CFAP410: variants seen among roughly 807,000 people sequenced by gnomAD.
CFAP410 encodes the protein cilia- and flagella-associated protein 410.
A neutral mutation model predicts 25.7 loss-of-function variants in CFAP410; 27 were observed. The ratio of observed to expected loss-of-function variants is 1.05; its 90% CI spans 0.77 to 1.45. The LOEUF (loss-of-function observed/expected upper bound fraction) is 1.45, where lower values mean the gene tolerates loss of function less well. Among genes scored for constraint, CFAP410 ranks in the 40% most tolerant of loss-of-function variants. CFAP410 has a pLI of 0.00. For missense variants in CFAP410, 428 were observed against 354.1 expected, an observed-to-expected ratio of 1.21 and a Z score of -1.67; for synonymous variants, 178 against 158.4, an observed-to-expected ratio of 1.12 and a Z score of -0.93.
chr21:44,329,837 T>C lies in CFAP410; in HGVS notation c.*361A>G. On this transcript the variant is annotated 3_prime_UTR_variant, in exon 7 of 7. Transcript: ENST00000339818. ...TCCTCATTCTGTGGAGAAACGGCCC[T>C]TGCTTTCAGGAAGACTGTCACAACC... 4.3e-6 allele frequency: 1 copy of C among 233,440 alleles called. No homozygotes were observed. The highest frequency in any genetic ancestry group is 8.4e-6 in the Non-Finnish European group (1 of 118,916). 14.5% of individuals were successfully genotyped at this position (233,440 alleles called of 1,614,324 possible). A position where few individuals can be genotyped will look rare whatever the true frequency, so the allele number is the denominator to read the frequency against.
Position 44,331,203 on chromosome 21 carries a change from G to T in CFAP410, c.546-284C>A, listed in dbSNP as rs2047641778. On this transcript the variant is annotated intron_variant, in intron 5 of 6. Coordinates refer to ENST00000339818, the MANE Select transcript of CFAP410 (RefSeq NM_004928.3). Reference sequence around the variant, plus strand: ...CCAGGGCTTCAGGGGCAGGGTGGGGGGCACCCGAACACACAAATGCCGGGG... The same window carrying T: ...CCAGGGCTTCAGGGGCAGGGTGGGGTGCACCCGAACACACAAATGCCGGGG... 1.9e-5 allele frequency: 10 copies of T among 524,788 alleles called. No individual in the cohort carries two copies. The South Asian group carries it at 2.7e-4, about 14-fold the overall frequency. The allele number at this position is 524,788 out of a possible 1,614,324, so 32.5% of individuals were successfully genotyped here. A position where few individuals can be genotyped will look rare whatever the true frequency, so the allele number is the denominator to read the frequency against.
Position 44,330,161 on chromosome 21 carries a change from T to C in CFAP410, c.*37A>G, listed in dbSNP as rs1217189291. The C allele has an allele frequency of 6.5e-7, 1 of 1,540,230 alleles. No individual in the cohort carries two copies. Among genetic ancestry groups the C allele is most frequent in the East Asian group, 2.4e-5 (1 of 41,204 alleles). ...CCGGGGGCTGGGGAAGACGCTGGGG[T>C]CCCCGTGGAGGCTGGAGCGGCGTTC... is the stretch of plus-strand genomic sequence containing the variant. On this transcript the variant is annotated 3_prime_UTR_variant, in exon 7 of 7. Coordinates refer to ENST00000339818, the MANE Select transcript of CFAP410 (RefSeq NM_004928.3).
intron 3 of CFAP410, chr21:44,334,606 C>T (rs2146076175): frequency 6.6e-6 from 2 of 301,044 alleles, no homozygotes; most frequent in East Asian, 1.0e-4. Context: ...CCTCATCTCC[C>T]TGTGGGGTGG....
chr21:44,337,311 G>A (rs541046913), intron 2 of CFAP410, among the ~76,000 whole-genome samples: 30 of 152,250 alleles, frequency 2.0e-4, no homozygotes, highest in African/African-American at 5.3e-4. Flanking sequence ...CAACTTCCCC[G>A]TAACAAAGTA....
rs766874630 is a variant in CFAP410 at position 44,333,159 on chromosome 21, G to C, written c.247C>G (p.Leu83Val). ...ACCCGCAGACGCGGCAGCCCCTTCA[G>C]GTAGAAGAGCTCAGCCAGGCTGGGG... is the stretch of plus-strand genomic sequence containing the variant. Reference protein sequence around the residue: ...RIPSLAELFYLKGLPRLRVLW... With the variant: ...RIPSLAELFYVKGLPRLRVLW... Residue 83 changes from leucine to valine, a missense_variant, in exon 4 of 7, where the codon CTG becomes GTG. Leu to Val is a conservative substitution (Grantham distance 32, BLOSUM62 1). Coordinates refer to ENST00000339818, the MANE Select transcript of CFAP410 (RefSeq NM_004928.3). The C allele has an allele frequency of 7.4e-6, 12 of 1,612,692 alleles. No individual in the cohort carries two copies. Among genetic ancestry groups the C allele is most frequent in the Non-Finnish European group, 1.0e-5 (12 of 1,179,856 alleles).
chr21:44,333,977 T>C, intron 3 of CFAP410: 1 of 398,934 alleles, frequency 2.5e-6, no homozygotes, highest in Non-Finnish European at 5.2e-6. Context: ...CCTGCCGTCC[T>C]GAGCCCCCCT....
chr21:44,335,879 A>G, intron 2 of CFAP410, 75 bp from the exon 3 acceptor site: 1 of 1,203,440 alleles, frequency 8.3e-7, no homozygotes, highest in South Asian at 1.3e-5. Flanking sequence ...AGCCACAGAG[A>G]ACTGTCGAAG....
chr21:44,338,773 C>T (rs1174430025), intron 1 of CFAP410: 1 of 133,198 alleles, frequency 7.5e-6, no homozygotes, highest in African/African-American at 2.9e-5. Flanking sequence ...CCCCGCCCCG[C>T]CCCGCCCCGG....
At chr21:44,336,571 C>A (rs935139042) in intron 2 of CFAP410, among the ~76,000 whole-genome samples, 1 of 152,168 alleles carries the variant, frequency 6.6e-6, no homozygotes, top group African/African-American at 2.4e-5. Flanking sequence ...GCCCACCATA[C>A]GCCAGGCATG....
At chr21:44,338,274 T>G (rs1390851501) in intron 1 of CFAP410, 20 of 1,285,406 alleles carry the variant, frequency 1.6e-5, no homozygotes, top group African/African-American at 3.0e-5. Flanking sequence ...AAGCGTCTGC[T>G]CTCGCTGACC....
chr21:44,339,352 C>G lies in CFAP410; in HGVS notation c.-158G>C, dbSNP rs1164607548. ...GTGAGGAGAGCGGGGCGACGCGAGCCCGCTGGGGCCGCTTGGGCGCCGCTG... is the reference window on the plus strand; with the variant it reads ...GTGAGGAGAGCGGGGCGACGCGAGCGCGCTGGGGCCGCTTGGGCGCCGCTG... On this transcript the variant is annotated 5_prime_UTR_variant, in exon 1 of 7. Coordinates refer to ENST00000339818, the MANE Select transcript of CFAP410 (RefSeq NM_004928.3). 1 of 430,806 alleles carries G rather than the reference C, an allele frequency of 2.3e-6. No individual in the cohort carries two copies. The highest frequency in any genetic ancestry group is 4.5e-5 in the Admixed American group (1 of 22,260). 26.7% of individuals were successfully genotyped at this position (430,806 alleles called of 1,614,324 possible). A position where few individuals can be genotyped will look rare whatever the true frequency, so the allele number is the denominator to read the frequency against.
intron 5 of CFAP410, 158 bp downstream of exon 5, chr21:44,331,685 C>T: frequency 1.2e-5 from 8 of 688,974 alleles, no homozygotes; most frequent in Non-Finnish European, 1.9e-5. Context: ...CACTGAGTCA[C>T]TCCCAGAGAA....
rs949819984 is a variant in CFAP410, at chr21:44,339,389, C to G, written c.-195G>C. ...CTTGGGCGCCGCTGACACGTTGGCT[C>G]TGCTCCTGCTCATGCGCGGCCTGGG... On this transcript the variant is annotated 5_prime_UTR_variant, in exon 1 of 7. Transcript: ENST00000339818. 2.5e-6 allele frequency: 1 copy of G among 407,714 alleles called. No individual in the cohort carries two copies. Among genetic ancestry groups the G allele is most frequent in the African/African-American group, 2.1e-5 (1 of 47,930 alleles). 25.3% of individuals were successfully genotyped at this position (407,714 alleles called of 1,614,324 possible).
Position 44,334,517 on chromosome 21 carries a change from A to ACCCCCCCTCAACCTCTGGGCGGGCACGCC in CFAP410, c.143+1240_143+1241insGGCGTGCCCGCCCAGAGGTTGAGGGGGGG. 2 of 72,240 alleles carry ACCCCCCCTCAACCTCTGGGCGGGCACGCC rather than the reference A, an allele frequency of 2.8e-5. 1 individual carries two copies. The highest frequency in any genetic ancestry group is 6.6e-5 in the Non-Finnish European group (2 of 30,374). The allele number at this position is 72,240 out of a possible 1,614,324, so 4.5% of individuals were successfully genotyped here. ...CCTCAACCTCTGGGCGGGCACGCGCACCCCCCCCCCCCCCCCGCTCAACCT... is the reference window on the plus strand; with the variant it reads ...CCTCAACCTCTGGGCGGGCACGCGCACCCCCCCTCAACCTCTGGGCGGGCACGCCCCCCCCCCCCCCCCCCGCTCAACCT... On this transcript the variant is annotated intron_variant, in intron 3 of 6. Coordinates refer to ENST00000339818, the MANE Select transcript of CFAP410 (RefSeq NM_004928.3).
rs1568989752 is a variant in CFAP410 at position 44,334,521 on chromosome 21, C to CCCCTCAACCTCTGGGCGGGCCCGCGCA, written c.143+1236_143+1237insTGCGCGGGCCCGCCCAGAGGTTGAGGG. ...AACCTCTGGGCGGGCACGCGCACCC[C>CCCCTCAACCTCTGGGCGGGCCCGCGCA]CCCCCCCCCCCCGCTCAACCTCTGG... On this transcript the variant is annotated intron_variant, in intron 3 of 6. Coordinates refer to ENST00000339818, the MANE Select transcript of CFAP410 (RefSeq NM_004928.3). The CCCCTCAACCTCTGGGCGGGCCCGCGCA allele has an allele frequency of 3.4e-5, 6 of 174,870 alleles. 2 individuals are homozygous for CCCCTCAACCTCTGGGCGGGCCCGCGCA. The highest frequency in any genetic ancestry group is 5.3e-5 in the Non-Finnish European group (5 of 94,450). The allele number at this position is 174,870 out of a possible 1,614,324, so 10.8% of individuals were successfully genotyped here.
Position 44,333,082 on chromosome 21 carries a change from G to A in CFAP410, c.324C>T (p.Arg108=), listed in dbSNP as rs1222507890. 2.5e-6 allele frequency: 4 copies of A among 1,609,766 alleles called. No homozygotes were observed. Among genetic ancestry groups the A allele is most frequent in the East Asian group, 2.2e-5 (1 of 44,738 alleles). The change falls in exon 4 of 7, where the codon CGC becomes CGT. Residue 108 remains arginine (R), a synonymous_variant. Transcript: ENST00000339818. ...PCCGTSPHRY[R]MTVLRTLPRL... The stretch of plus-strand genomic sequence containing the variant: ...GCGGCAGGGTGCGCAGCACGGTCAT[G>A]CGGTAGCGGTGGGGGCTGGTGCCGC...
Position 44,331,520 on chromosome 21 carries a change from A to AC in CFAP410, c.545+322dup, listed in dbSNP as rs963372461. The AC allele has an allele frequency of 7.2e-4, 259 of 359,294 alleles. 1 individual carries two copies. The highest frequency in any genetic ancestry group is 3.0e-3 in the Middle Eastern group (4 of 1,322). 22.3% of individuals were successfully genotyped at this position (359,294 alleles called of 1,614,324 possible). ...ATTCCAGTCACTGTGGCCCTAGGCC[A>AC]CCCCCCCCACCAGGGGCTCCCTGCA... On this transcript the variant is annotated intron_variant, in intron 5 of 6. Transcript: ENST00000339818.
chr21:44,334,981 C>T (rs1274434101), intron 3 of CFAP410: 1 of 153,728 alleles, frequency 6.5e-6, no homozygotes, highest in African/African-American at 2.4e-5. Context: ...GCAATACCCA[C>T]TCTCAGAGGG....
At chr21:44,334,739 G>C (rs2047721982) in intron 3 of CFAP410, 1 of 213,536 alleles carries the variant, frequency 4.7e-6, no homozygotes, top group South Asian at 6.4e-5. Context: ...ATGCCTCCAA[G>C]CCCATTTCAT....
Sources: allele counts gnomAD v4.1 joint callset (sites outside exome capture counted in the v4.1 genomes callset), GRCh38; gene constraint gnomAD v4.1.1; transcripts MANE v1.5; gene names NCBI Gene and HGNC (gene_info 2026-07-23, HGNC 2026-07-21).